The following YIPF7 variants were observed in gnomAD, a reference collection of about 807,000 sequenced individuals.
The protein encoded by YIPF7 is Yip1 domain family member 7.
A neutral mutation model predicts 27.2 loss-of-function variants in YIPF7; 35 were observed. That is an observed-to-expected ratio of 1.29 (90% CI 0.98 to 1.70). The LOEUF is 1.70. Ranked by LOEUF, YIPF7 falls within the 40% of genes most tolerant of loss-of-function variation. YIPF7 has a pLI of 0.00. For synonymous variants in YIPF7, 137 were observed against 110.4 expected (o/e 1.24, Z -1.51); for missense variants, 358 against 303.7 (o/e 1.18, Z -1.33).
chr4:44,659,841 C>T (rs1327792674), intron 2 of YIPF7, among the ~76,000 whole-genome samples: 4 of 151,984 alleles, frequency 2.6e-5, no homozygotes, highest in South Asian at 4.2e-4. Context: ...TGGCCAGGCG[C>T]GGTGGCTCAC....
chr4:44,624,546 C>T (rs771085825), intron 5 of YIPF7, 55 bp downstream of exon 5: 27 of 1,451,762 alleles, frequency 1.9e-5, no homozygotes, highest in Non-Finnish European at 2.4e-5. Context: ...ATGGCTGTGG[C>T]AAACCTTGGC....
intron 1 of YIPF7, among the ~76,000 whole-genome samples, chr4:44,661,545 C>A (rs1285370012): frequency 6.6e-6 from 1 of 151,634 alleles, no homozygotes; most frequent in African/African-American, 2.4e-5. Context: ...ATTTCTTACA[C>A]AAAGTTTGCA....
intron 4 of YIPF7, 47 bp from the exon 5 acceptor site, chr4:44,624,829 G>A (rs6838327): frequency 0.4 from 609,859 of 1,515,270 alleles, 127,373 homozygotes; most frequent in African/African-American, 0.65. Flanking sequence ...AATGGACACC[G>A]AGAGGAAATC....
At chr4:44,657,738 A>G (rs978149504) in intron 2 of YIPF7, among the ~76,000 whole-genome samples, 4 of 152,180 alleles carry the variant, frequency 2.6e-5, no homozygotes, top group Middle Eastern at 3.2e-3. Flanking sequence ...ATAAATAGAA[A>G]AGCAGCCATC....
At chr4:44,643,200 C>T (rs1444103262) in intron 2 of YIPF7, among the ~76,000 whole-genome samples, 1 of 152,114 alleles carries the variant, frequency 6.6e-6, no homozygotes, top group South Asian at 2.1e-4. Flanking sequence ...TTAGTGGGAA[C>T]TGGAGTAAAA....
chr4:44,636,707 G>A (rs927269278), intron 2 of YIPF7, among the ~76,000 whole-genome samples: 3 of 152,084 alleles, frequency 2.0e-5, no homozygotes, highest in Non-Finnish European at 4.4e-5. Flanking sequence ...CAGTAGAATT[G>A]TCTCTGAGTT....
intron 2 of YIPF7, among the ~76,000 whole-genome samples, chr4:44,649,673 C>A (rs947988202): frequency 6.6e-6 from 1 of 151,568 alleles, no homozygotes; most frequent in African/African-American, 2.4e-5. Flanking sequence ...TAGCTACATG[C>A]GAGGCTGAGG....
intron 4 of YIPF7, among the ~76,000 whole-genome samples, chr4:44,627,315 G>A (rs1358383732): frequency 6.6e-6 from 1 of 152,092 alleles, no homozygotes; most frequent in Non-Finnish European, 1.5e-5. Context: ...GTCTCCTTTC[G>A]CCTGAAGAAA....
chr4:44,651,582 C>T lies in YIPF7; in HGVS notation c.-30G>A, dbSNP rs1269245063. ...TGTTTATTTTTTATAGAAAGATCCT[C>T]CAGTAAATGTAGCTTTGTGTGAGAA... On this transcript the variant is annotated 5_prime_UTR_variant, in exon 1 of 6. Coordinates refer to ENST00000415895, the MANE Select transcript of YIPF7 (RefSeq NM_182592.3). The T allele has an allele frequency of 4.4e-6, 7 of 1,587,082 alleles. No homozygotes were observed. Among genetic ancestry groups the T allele is most frequent in the Non-Finnish European group, 6.0e-6 (7 of 1,165,506 alleles).
chr4:44,658,581 A>G (rs1404460930), intron 2 of YIPF7, among the ~76,000 whole-genome samples: 1 of 152,216 alleles, frequency 6.6e-6, no homozygotes, highest in Non-Finnish European at 1.5e-5. Context: ...CATGTATCAC[A>G]CTACTTTCAC....
intron 3 of YIPF7, among the ~76,000 whole-genome samples, chr4:44,635,367 C>T (rs1713079443): frequency 6.6e-6 from 1 of 151,936 alleles, no homozygotes; most frequent in Non-Finnish European, 1.5e-5. Flanking sequence ...ATTTCCTTCC[C>T]ACCAGCAGCA....
chr4:44,660,125 A>AAAAAAAAAAAAAAAAAAAAAC (rs1560332843), intron 2 of YIPF7, among the ~76,000 whole-genome samples: 1 of 146,200 alleles, frequency 6.8e-6, no homozygotes, highest in Non-Finnish European at 1.5e-5. Flanking sequence ...AAAAAAAAAA[A>AAAAAAAAAAAAAAAAAAAAAC]AAAAAAAAAA....
At position 44,651,601 on chromosome 4, in the gene YIPF7, G is replaced by A. The variant is rs747513008; in HGVS notation, c.-49C>T. ...GATCCTCCAGTAAATGTAGCTTTGT[G>A]TGAGAAATTTTAAGCAAATCCATTG... On this transcript the variant is annotated 5_prime_UTR_variant, in exon 1 of 6. Coordinates refer to ENST00000415895, the MANE Select transcript of YIPF7 (RefSeq NM_182592.3). The A allele has an allele frequency of 1.1e-5, 18 of 1,588,330 alleles. No homozygotes were observed. The highest frequency in any genetic ancestry group is 2.7e-5 in the African/African-American group (2 of 74,496).
chr4:44,632,680 G>A (rs902341428), intron 3 of YIPF7, among the ~76,000 whole-genome samples: 3 of 152,090 alleles, frequency 2.0e-5, no homozygotes, highest in Non-Finnish European at 4.4e-5. Context: ...ACTAGTAAAT[G>A]TTATTTAATG....
chr4:44,644,308 T>A (rs190459257), intron 2 of YIPF7, among the ~76,000 whole-genome samples: 46 of 152,260 alleles, frequency 3.0e-4, no homozygotes, highest in African/African-American at 1.0e-3. Context: ...GGGCCACACA[T>A]AAAATATGCT....
chr4:44,658,047 C>T (rs1713948424), intron 2 of YIPF7, among the ~76,000 whole-genome samples: 1 of 151,962 alleles, frequency 6.6e-6, no homozygotes, highest in African/African-American at 2.4e-5. Flanking sequence ...AGTGAGACCC[C>T]ACCTTTATAA....
chr4:44,636,206 G>T, intron 2 of YIPF7, 121 bp from the exon 3 acceptor site: 1 of 1,033,654 alleles, frequency 9.7e-7, no homozygotes, highest in Non-Finnish European at 1.3e-6. Context: ...ACTCATGAAA[G>T]AAACAACTTA....
chr4:44,658,597 A>C (rs1324077697), intron 2 of YIPF7, among the ~76,000 whole-genome samples: 1 of 152,206 alleles, frequency 6.6e-6, no homozygotes, highest in East Asian at 1.9e-4. Context: ...TTCACCCAAA[A>C]TTCTGATGTG....
Position 44,636,015 on chromosome 4 carries a change from C to T in YIPF7, c.187G>A (p.Ala63Thr), listed in dbSNP as rs747220881. 3.4e-5 allele frequency: 55 copies of T among 1,613,682 alleles called. No homozygotes were observed. Among genetic ancestry groups the T allele is most frequent in the South Asian group, 2.3e-4 (21 of 91,052 alleles). ...PSEMLMSSGYAGQFFQPASNS... is the reference protein window; with the variant it reads ...PSEMLMSSGYTGQFFQPASNS... ...GATGCTGGCTGAAAAAATTGTCCTG[C>T]GTAACCCGATGACATGAGCATCTCT... The change falls in exon 3 of 6, where the codon GCA (alanine) becomes ACA (threonine). Residue 63 changes from alanine (A) to threonine (T), a missense_variant. Ala to Thr is a moderately conservative substitution (Grantham distance 58, BLOSUM62 0). Coordinates refer to ENST00000415895, the MANE Select transcript of YIPF7 (RefSeq NM_182592.3).
Sources: allele counts gnomAD v4.1 joint callset (sites outside exome capture counted in the v4.1 genomes callset), GRCh38; gene constraint gnomAD v4.1.1; transcripts MANE v1.5; gene names NCBI Gene and HGNC (gene_info 2026-07-23, HGNC 2026-07-21).